IL31RA: variants seen among roughly 807,000 people sequenced by gnomAD.
IL31RA encodes the protein interleukin 31 receptor A.
A neutral mutation model predicts 83.7 loss-of-function variants in IL31RA; 66 were observed. The observed-to-expected ratio is 0.79, with a 90% confidence interval of 0.65 to 0.97. IL31RA has a LOEUF of 0.97. Among genes scored for constraint, IL31RA ranks in the 50% least tolerant of loss-of-function variants. IL31RA has a pLI of 0.00. For missense variants in IL31RA, 798 were observed against 919.4 expected (o/e 0.87, Z 1.71); for synonymous variants, 325 against 329.0 (o/e 0.99, Z 0.13).
At chr5:55,874,142 T>C (rs778319031) in intron 4 of IL31RA, among the ~76,000 whole-genome samples, 1 of 152,126 alleles carries the variant, frequency 6.6e-6, no homozygotes, top group African/African-American at 2.4e-5. Context: ...GTTGAAAAGA[T>C]GATTTCTGAC....
intron 4 of IL31RA, among the ~76,000 whole-genome samples, chr5:55,874,107 A>C (rs1746692469): frequency 6.6e-6 from 1 of 152,038 alleles, no homozygotes; most frequent in African/African-American, 2.4e-5. Flanking sequence ...TTGCATGTGG[A>C]TATCCAGTTA....
chr5:55,854,747 G>GA (rs11409015), intron 1 of IL31RA, among the ~76,000 whole-genome samples: 107,863 of 141,792 alleles, frequency 0.76, 40,884 homozygotes, highest in African/African-American at 0.83. Context: ...CCCGTCTCCA[G>GA]AAAAAAAAAA....
Position 55,908,157 on chromosome 5 carries a change from C to T in IL31RA, c.1355-108C>T, listed in dbSNP as rs898479447. 54 of 1,485,938 alleles carry T rather than the reference C, an allele frequency of 3.6e-5. 1 individual carries two copies. In the Middle Eastern group the frequency reaches 1.3e-3, roughly 35 times the overall value. The allele number at this position is 1,485,938 out of a possible 1,614,324, so 92.0% of individuals were successfully genotyped here. A position where few individuals can be genotyped will look rare whatever the true frequency, so the allele number is the denominator to read the frequency against. On this transcript the variant is annotated intron_variant, in intron 10 of 14. Transcript: ENST00000652347. ...AATTCCCTACTCAACCCTCACCCGT[C>T]GCCTCCAGCACTATGGTTTGGTCTG...
At chr5:55,908,198 C>T (rs1749271165) in intron 10 of IL31RA, 67 bp from the exon 11 acceptor site, 1 of 1,608,328 alleles carries the variant, frequency 6.2e-7, no homozygotes, top group Admixed American at 1.7e-5. Context: ...TGGCCAGGGC[C>T]TTTGTGGGGG....
intron 11 of IL31RA, 73 bp from the exon 12 acceptor site, chr5:55,910,459 A>G: frequency 6.4e-7 from 1 of 1,560,070 alleles, no homozygotes; most frequent in Non-Finnish European, 8.8e-7. Context: ...CAATGCTCTT[A>G]TTTTGGTGCT....
chr5:55,874,726 A>G (rs1174661225), intron 4 of IL31RA, among the ~76,000 whole-genome samples: 4 of 152,098 alleles, frequency 2.6e-5, no homozygotes, highest in Non-Finnish European at 5.9e-5. Flanking sequence ...CGATTTGGTA[A>G]TTGGCAACCT....
chr5:55,844,268 G>A, the IL31RA span, among the ~76,000 whole-genome samples: 1 of 152,088 alleles, frequency 6.6e-6, no homozygotes, highest in Admixed American at 6.5e-5. Flanking sequence ...AGTGAGGGAG[G>A]AATAAAAACT....
chr5:55,858,555 C>G lies in IL31RA; in HGVS notation c.64-954C>G, dbSNP rs116305026. Among the ~76,000 whole-genome samples, 440 of 152,218 alleles carry G rather than the reference C, an allele frequency of 2.9e-3. 3 individuals carry two copies. The highest frequency in any genetic ancestry group is 0.01 in the African/African-American group (428 of 41,548). The stretch of plus-strand genomic sequence containing the variant: ...TGGTTCATATGTGAGAAAATGTTAT[C>G]CCTCTAATTTTCTCCAGAAATCCTG... On this transcript the variant is annotated intron_variant, in intron 1 of 14. Coordinates refer to ENST00000652347, the MANE Select transcript of IL31RA (RefSeq NM_139017.7).
In IL31RA at chr5:55,870,395, A is replaced by G. The variant is rs1746440720; in HGVS notation, c.272+1487A>G. Among the ~76,000 whole-genome samples the G allele has an allele frequency of 3.3e-5, 5 of 152,248 alleles. No homozygotes were observed. The South Asian group carries it at 1.0e-3, about 31-fold the overall frequency. On this transcript the variant is annotated intron_variant, in intron 3 of 14. Coordinates refer to ENST00000652347, the MANE Select transcript of IL31RA (RefSeq NM_139017.7). ...TTGCTTATCCCTGTTTTAGAAAATA[A>G]GCATGATAAAGGCCCAATAACCCAT... is the stretch of plus-strand genomic sequence containing the variant.
Position 55,917,276 on chromosome 5 carries a change from G to A in IL31RA, c.*156G>A. 1.3e-6 allele frequency: 2 copies of A among 1,549,420 alleles called. No individual in the cohort carries two copies. Among genetic ancestry groups the A allele is most frequent in the African/African-American group, 1.4e-5 (1 of 73,722 alleles). On this transcript the variant is annotated 3_prime_UTR_variant, in exon 15 of 15. Transcript: ENST00000652347. ...TTGAGCTGCCAGTTGAACTTGGTCG[G>A]CAAAGATGCGACCTTGTACTGGGAA...
chr5:55,904,743 T>A (rs76507872), intron 8 of IL31RA, among the ~76,000 whole-genome samples: 273 of 152,154 alleles, frequency 1.8e-3, no homozygotes, highest in African/African-American at 6.4e-3. Flanking sequence ...TGGGGTTTGT[T>A]GCCAAGGAAT....
intron 4 of IL31RA, among the ~76,000 whole-genome samples, chr5:55,881,487 G>T (rs550005303): frequency 1.4e-4 from 21 of 151,870 alleles, no homozygotes; most frequent in African/African-American, 4.8e-4. Flanking sequence ...GGCACCTTGC[G>T]TCCCATTTCC....
At chr5:55,851,275 A>C, upstream of IL31RA, 1 of 483,268 alleles carries the variant, frequency 2.1e-6, no homozygotes, top group South Asian at 2.2e-5. Context: ...TGATTCATCA[A>C]CATTGAACTC....
chr5:55,879,233 AG>A (rs1747038464), intron 4 of IL31RA, among the ~76,000 whole-genome samples: 1 of 151,984 alleles, frequency 6.6e-6, no homozygotes, highest in African/African-American at 2.4e-5. Context: ...ATAGGACCTG[AG>A]ATGCCACCTT....
chr5:55,918,110 A>G lies in IL31RA; in HGVS notation c.*990A>G, dbSNP rs1274697371. Among the ~76,000 whole-genome samples the G allele has an allele frequency of 2.0e-5, 3 of 152,178 alleles. No individual in the cohort carries two copies. The highest frequency in any genetic ancestry group is 7.2e-5 in the African/African-American group (3 of 41,452). On this transcript the variant is annotated 3_prime_UTR_variant, in exon 15 of 15. Transcript: ENST00000652347. Reference sequence around the variant, plus strand: ...GTGACAGTTAGTGGAGCCTTTCACGAAAGTGTGGATTGCTGGCTTCAGCAC... The same window carrying G: ...GTGACAGTTAGTGGAGCCTTTCACGGAAGTGTGGATTGCTGGCTTCAGCAC...
intron 11 of IL31RA, chr5:55,908,656 A>G (rs537441513): frequency 2.6e-6 from 4 of 1,531,978 alleles, no homozygotes; most frequent in East Asian, 4.9e-5. Flanking sequence ...AGGAGTTGTT[A>G]TAATTTGTCC....
intron 1 of IL31RA, chr5:55,853,310 T>C: frequency 1.6e-6 from 2 of 1,231,454 alleles, no homozygotes; most frequent in Non-Finnish European, 2.0e-6. Flanking sequence ...TTGTTTTTGC[T>C]TTTGTTTTTA....
intron 4 of IL31RA, among the ~76,000 whole-genome samples, chr5:55,881,057 C>G (rs1010648217): frequency 2.6e-5 from 4 of 152,100 alleles, no homozygotes; most frequent in Non-Finnish European, 5.9e-5. Flanking sequence ...AATCTCAGCA[C>G]TTTGGGAGCC....
intron 8 of IL31RA, among the ~76,000 whole-genome samples, chr5:55,900,862 G>C (rs979599472): frequency 1.3e-5 from 2 of 151,946 alleles, no homozygotes; most frequent in African/African-American, 2.4e-5. Flanking sequence ...TGCCATGAAG[G>C]CAGTGATTTT....
Sources: gnomAD v4.1 joint callset for allele counts (sites outside exome capture counted in the v4.1 genomes callset) on GRCh38, gnomAD v4.1.1 for gene constraint, MANE v1.5 for transcripts, NCBI Gene and HGNC (gene_info 2026-07-23, HGNC 2026-07-21) for gene names.